PDCD7: variants seen among roughly 807,000 people sequenced by gnomAD.
PDCD7 encodes programmed cell death protein 7.
In PDCD7, 40 loss-of-function variants were observed where a neutral mutation model predicts 42.1. The ratio of observed to expected loss-of-function variants is 0.95; its 90% CI spans 0.74 to 1.24. PDCD7 has a LOEUF of 1.24. Ranked by LOEUF, PDCD7 falls within the 50% of genes most tolerant of loss-of-function variation. The pLI is 0.00. For synonymous variants in PDCD7, 299 were observed against 303.3 expected (o/e 0.99, Z 0.15); for missense variants, 644 against 662.8 (o/e 0.97, Z 0.31).
At position 65,124,297 on chromosome 15, in the gene PDCD7, T is replaced by C. The variant is rs182742052; in HGVS notation, c.1010-4343A>G. Among the ~76,000 whole-genome samples the C allele has an allele frequency of 6.7e-4, 102 of 151,958 alleles. 2 individuals are homozygous for C. In the East Asian group the frequency reaches 0.017, roughly 26 times the overall value. ...AAAATTAGCTGGGTGTGGTGGTGCATGCCTGTAATCTCAGCTACTCTGGAG... is the reference window on the plus strand; with the variant it reads ...AAAATTAGCTGGGTGTGGTGGTGCACGCCTGTAATCTCAGCTACTCTGGAG... On this transcript the variant is annotated intron_variant, in intron 2 of 4. Transcript: ENST00000204549.
At chr15:65,119,288 C>CAGT (rs1344384729) in intron 4 of PDCD7, 88 bp downstream of exon 4, 2 of 747,626 alleles carry the variant, frequency 2.7e-6, no homozygotes, top group East Asian at 5.5e-5. Flanking sequence ...AAAAAAAAGA[C>CAGT]AGTAATAGAC....
At chr15:65,123,741 A>G (rs186434635) in intron 2 of PDCD7, among the ~76,000 whole-genome samples, 5 of 152,276 alleles carry the variant, frequency 3.3e-5, no homozygotes, top group African/African-American at 1.2e-4. Context: ...CTTTGCTTCT[A>G]CAGGTTTCCA....
At chr15:65,125,879 G>C (rs2087491762) in intron 2 of PDCD7, among the ~76,000 whole-genome samples, 1 of 152,170 alleles carries the variant, frequency 6.6e-6, no homozygotes. Flanking sequence ...TGGCTGGGGA[G>C]GCTTCACAAT....
intron 2 of PDCD7, among the ~76,000 whole-genome samples, chr15:65,120,902 T>C (rs958543414): frequency 2.0e-5 from 3 of 152,146 alleles, no homozygotes; most frequent in Non-Finnish European, 4.4e-5. Context: ...AAGTCCTAGC[T>C]ATAGTATGTA....
intron 2 of PDCD7, among the ~76,000 whole-genome samples, chr15:65,121,981 T>C (rs569258705): frequency 1.3e-5 from 2 of 152,288 alleles, no homozygotes; most frequent in African/African-American, 4.8e-5. Flanking sequence ...GTGGATGTGA[T>C]CTATCCTGTC....
chr15:65,118,555 T>C lies in PDCD7; in HGVS notation c.*162A>G. On this transcript the variant is annotated 3_prime_UTR_variant, in exon 5 of 5. Transcript: ENST00000204549. The stretch of plus-strand genomic sequence containing the variant: ...ACATTAATCTGATTCAAGAGGCACC[T>C]CTGGCCAGCACAGAGCACAGAAGGA... 1.6e-6 allele frequency: 1 copy of C among 637,496 alleles called. No homozygotes were observed. The highest frequency in any genetic ancestry group is 2.4e-6 in the Non-Finnish European group (1 of 424,986). 39.5% of individuals were successfully genotyped at this position (637,496 alleles called of 1,614,324 possible). A position where few individuals can be genotyped will look rare whatever the true frequency, so the allele number is the denominator to read the frequency against.
chr15:65,133,257 G>T lies in PDCD7; in HGVS notation c.525C>A (p.Arg175=), dbSNP rs749901831. The part of the protein sequence containing the change: ...THAGPSLGEV[R]ARLLRALRLV... Reference sequence around the variant, plus strand: ...GGCGCAGAGCCCGGAGCAATCGCGCGCGCACTTCGCCAAGGCTGGGCCCGG... The same window carrying T: ...GGCGCAGAGCCCGGAGCAATCGCGCTCGCACTTCGCCAAGGCTGGGCCCGG... The change falls in exon 1 of 5, where the codon CGC becomes CGA. Residue 175 remains arginine (R), a synonymous_variant. Coordinates refer to ENST00000204549, the MANE Select transcript of PDCD7 (RefSeq NM_005707.2). The T allele has an allele frequency of 2.7e-4, 364 of 1,341,978 alleles. No individual in the cohort carries two copies. Among genetic ancestry groups the T allele is most frequent in the Non-Finnish European group, 3.3e-4 (350 of 1,054,334 alleles). The allele number at this position is 1,341,978 out of a possible 1,614,324, so 83.1% of individuals were successfully genotyped here.
chr15:65,125,317 T>G (rs1463603377), intron 2 of PDCD7, among the ~76,000 whole-genome samples: 1 of 152,142 alleles, frequency 6.6e-6, no homozygotes, highest in Admixed American at 6.5e-5. Flanking sequence ...TCTCAGCAAT[T>G]TTAACCATGC....
At chr15:65,126,620 G>A (rs897000909) in intron 2 of PDCD7, among the ~76,000 whole-genome samples, 2 of 151,856 alleles carry the variant, frequency 1.3e-5, no homozygotes, top group Non-Finnish European at 2.9e-5. Flanking sequence ...CAGGTGTGGT[G>A]GTGTGCACCT....
intron 2 of PDCD7, 86 bp from the exon 3 acceptor site, chr15:65,120,040 G>GAAGACATTTCATTGTTTTTCCCTTTAGT: frequency 7.1e-7 from 1 of 1,410,396 alleles, no homozygotes; most frequent in Non-Finnish European, 9.6e-7. Context: ...GAGTACAGTG[G>GAAGACATTTCATTGTTTTTCCCTTTAGT]TGTGATCATA....
At chr15:65,131,951 T>C (rs2087542674) in intron 1 of PDCD7, among the ~76,000 whole-genome samples, 1 of 151,930 alleles carries the variant, frequency 6.6e-6, no homozygotes, top group Admixed American at 6.6e-5. Context: ...AAAATTAGCA[T>C]AATACTTCCT....
At chr15:65,130,870 G>C (rs1382124035) in intron 1 of PDCD7, among the ~76,000 whole-genome samples, 2 of 151,664 alleles carry the variant, frequency 1.3e-5, no homozygotes, top group Non-Finnish European at 2.9e-5. Context: ...CTCAGCTTAC[G>C]TGTCATTGTA....
At chr15:65,132,574 C>T (rs1054972153) in intron 1 of PDCD7, among the ~76,000 whole-genome samples, 2 of 152,070 alleles carry the variant, frequency 1.3e-5, no homozygotes. Context: ...TTAAAACCAC[C>T]TAGGGCAGTA....
chr15:65,131,980 A>G (rs1382281388), intron 1 of PDCD7, among the ~76,000 whole-genome samples: 2 of 151,850 alleles, frequency 1.3e-5, no homozygotes, highest in Non-Finnish European at 2.9e-5. Context: ...AGGCTGTTAT[A>G]AAGATTCAAA....
At chr15:65,129,271 AG>A in intron 1 of PDCD7, 101 bp from the exon 2 acceptor site, 2 of 1,259,698 alleles carry the variant, frequency 1.6e-6, no homozygotes, top group Admixed American at 2.1e-5. Context: ...GACAGTCTCC[AG>A]GTTAAGAGAG....
intron 1 of PDCD7, among the ~76,000 whole-genome samples, 159 bp downstream of exon 1, chr15:65,132,753 C>G (rs1337611458): frequency 6.6e-6 from 1 of 152,142 alleles, no homozygotes; most frequent in Non-Finnish European, 1.5e-5. Context: ...ATCATTAACA[C>G]AAAATTAACA....
At chr15:65,123,102 T>C (rs114037638) in intron 2 of PDCD7, among the ~76,000 whole-genome samples, 2,027 of 152,286 alleles carry the variant, frequency 0.013, 34 homozygotes, top group African/African-American at 0.046. Context: ...AAAAAAGCTA[T>C]ATATTTGCTC....
intron 1 of PDCD7, among the ~76,000 whole-genome samples, chr15:65,131,561 C>G (rs2087539947): frequency 6.6e-6 from 1 of 151,990 alleles, no homozygotes; most frequent in Non-Finnish European, 1.5e-5. Flanking sequence ...CCAGTCTGAC[C>G]AACATGGAGA....
intron 2 of PDCD7, among the ~76,000 whole-genome samples, chr15:65,122,425 C>T (rs928389684): frequency 6.6e-6 from 1 of 152,032 alleles, no homozygotes; most frequent in Non-Finnish European, 1.5e-5. Flanking sequence ...CCATTTTATA[C>T]TTTCTCACAT....
Sources: allele counts gnomAD v4.1 joint callset (sites outside exome capture counted in the v4.1 genomes callset), GRCh38; gene constraint gnomAD v4.1.1; transcripts MANE v1.5; gene names NCBI Gene and HGNC (gene_info 2026-07-23, HGNC 2026-07-21).